KAZN: variants seen among roughly 807,000 people sequenced by gnomAD.
KAZN encodes the protein kazrin, periplakin interacting protein, also known as kazrin.
A neutral mutation model predicts 87.4 loss-of-function variants in KAZN; 40 were observed. The ratio of observed to expected loss-of-function variants is 0.46; its 90% CI spans 0.36 to 0.60. KAZN has a LOEUF of 0.60. Ranked by LOEUF, KAZN falls within the 20% of genes least tolerant of loss-of-function variation. The pLI is 0.00. For missense variants in KAZN, 898 were observed against 1,073.9 expected (o/e 0.84, Z 2.29); for synonymous variants, 466 against 458.3 (o/e 1.02, Z -0.22).
intron 8 of KAZN, 149 bp downstream of exon 8, chr1:15,065,902 C>T (rs766645238): frequency 2.2e-5 from 33 of 1,475,480 alleles, no homozygotes; most frequent in Non-Finnish European, 2.5e-5. Flanking sequence ...TGCGTGTGCA[C>T]GTGTGCGCTG....
intron 2 of KAZN, among the ~76,000 whole-genome samples, chr1:14,229,926 G>A (rs1196748790): frequency 6.6e-6 from 1 of 152,230 alleles, no homozygotes; most frequent in Admixed American, 6.5e-5. Flanking sequence ...ACCCTCTGCA[G>A]CGAATATGTT....
intron 2 of KAZN, among the ~76,000 whole-genome samples, chr1:14,301,726 G>T (rs1451306372): frequency 6.6e-6 from 1 of 152,132 alleles, no homozygotes; most frequent in Non-Finnish European, 1.5e-5. Flanking sequence ...AAGACATTTG[G>T]CAGGCATTCA....
chr1:14,505,795 G>A (rs1670552915), intron 2 of KAZN, among the ~76,000 whole-genome samples: 2 of 152,106 alleles, frequency 1.3e-5, no homozygotes, highest in Admixed American at 6.5e-5. Context: ...GCAACAGGGT[G>A]AAACCCTGTC....
chr1:15,110,548 T>TG (rs1491437616), intron 13 of KAZN, among the ~76,000 whole-genome samples: 4 of 117,540 alleles, frequency 3.4e-5, no homozygotes, highest in African/African-American at 1.2e-4. Flanking sequence ...TGCATATGTG[T>TG]TTGTGTGTGT....
intron 5 of KAZN, among the ~76,000 whole-genome samples, chr1:15,058,648 C>T (rs1287610645): frequency 6.6e-6 from 1 of 152,198 alleles, no homozygotes; most frequent in Non-Finnish European, 1.5e-5. Flanking sequence ...TGGGATTCGA[C>T]AGGATAAGAC....
At chr1:14,742,501 G>A (rs6660333) in intron 1 of KAZN, among the ~76,000 whole-genome samples, 41,059 of 151,714 alleles carry the variant, frequency 0.27, 6,381 homozygotes, top group Middle Eastern at 0.4. Context: ...AGGAATGAGC[G>A]AATGAAAAAA....
chr1:14,938,626 TC>T (rs1360230751), intron 1 of KAZN, among the ~76,000 whole-genome samples: 1 of 151,484 alleles, frequency 6.6e-6, no homozygotes, highest in African/African-American at 2.4e-5. Flanking sequence ...AGTCCAATAC[TC>T]AATAGGACGT....
intron 1 of KAZN, among the ~76,000 whole-genome samples, chr1:13,928,448 A>C (rs527798647): frequency 6.6e-6 from 1 of 152,320 alleles, no homozygotes; most frequent in South Asian, 2.1e-4. Flanking sequence ...ACTGAAGCTT[A>C]GAAAGGGTAA....
intron 1 of KAZN, among the ~76,000 whole-genome samples, chr1:14,134,127 C>A (rs1429557873): frequency 1.3e-5 from 2 of 152,196 alleles, no homozygotes; most frequent in Non-Finnish European, 2.9e-5. Context: ...GAGACAGGGT[C>A]TGAGCCAATT....
chr1:14,480,431 T>C (rs1260689813), intron 2 of KAZN, among the ~76,000 whole-genome samples: 1 of 151,896 alleles, frequency 6.6e-6, no homozygotes, highest in Non-Finnish European at 1.5e-5. Context: ...CAGTTTGGTG[T>C]CATGATGACA....
At chr1:14,070,578 G>A (rs1643209668) in intron 1 of KAZN, among the ~76,000 whole-genome samples, 1 of 152,182 alleles carries the variant, frequency 6.6e-6, no homozygotes, top group African/African-American at 2.4e-5. Flanking sequence ...TTTCTACAGT[G>A]CTGTGGCCAC....
intron 1 of KAZN, among the ~76,000 whole-genome samples, chr1:14,955,026 G>A (rs973060571): frequency 6.6e-6 from 1 of 152,176 alleles, no homozygotes. Flanking sequence ...TGCCCATGAG[G>A]GGAGAAACAC....
intron 2 of KAZN, among the ~76,000 whole-genome samples, chr1:14,590,110 C>T (rs2148578709): frequency 6.6e-6 from 1 of 152,234 alleles, no homozygotes; most frequent in South Asian, 2.1e-4. Context: ...CCCTACCCTC[C>T]AAGAAAGCAT....
At chr1:15,031,491 G>A (rs1048677916) in intron 2 of KAZN, among the ~76,000 whole-genome samples, 22 of 152,208 alleles carry the variant, frequency 1.4e-4, no homozygotes, top group Non-Finnish European at 2.9e-5. Flanking sequence ...AGGAGCCAGC[G>A]CTGTGGGGAA....
At chr1:14,405,655 G>A (rs754308263) in intron 2 of KAZN, among the ~76,000 whole-genome samples, 95 of 128,960 alleles carry the variant, frequency 7.4e-4, no homozygotes, top group Non-Finnish European at 1.3e-3. Context: ...TGTTTATACA[G>A]AGAGAGAGAT....
At chr1:14,205,042 A>G (rs944319908) in intron 2 of KAZN, among the ~76,000 whole-genome samples, 2 of 152,234 alleles carry the variant, frequency 1.3e-5, no homozygotes, top group African/African-American at 4.8e-5. Flanking sequence ...CTGGTCACTC[A>G]GGGAGCCAGG....
At chr1:14,449,886 T>C (rs1483173565) in intron 2 of KAZN, among the ~76,000 whole-genome samples, 1 of 152,134 alleles carries the variant, frequency 6.6e-6, no homozygotes, top group Non-Finnish European at 1.5e-5. Context: ...ATGAGCCCCT[T>C]CTGACTCTAA....
At chr1:15,036,492 T>C (rs1047333867) in intron 3 of KAZN, among the ~76,000 whole-genome samples, 4 of 151,412 alleles carry the variant, frequency 2.6e-5, no homozygotes, top group African/African-American at 9.7e-5. Flanking sequence ...AGGCAAACGG[T>C]TTGGCAGGAA....
rs568677205 is a variant in KAZN at position 14,919,383 on chromosome 1, G to T, written c.227-41301G>T. On this transcript the variant is annotated intron_variant, in intron 1 of 14. Coordinates refer to ENST00000376030, the MANE Select transcript of KAZN (RefSeq NM_201628.3). ...GGAGAGACAGGGTTTCACCATGTTGGCCAGGCTGGTCTCGAACGCCTGACC... is the reference window on the plus strand; with the variant it reads ...GGAGAGACAGGGTTTCACCATGTTGTCCAGGCTGGTCTCGAACGCCTGACC... 9.2e-5 allele frequency among the ~76,000 whole-genome samples: 14 copies of T among 152,326 alleles called. No homozygotes were observed. In the East Asian group the frequency reaches 2.7e-3, roughly 29 times the overall value.
Sources: gnomAD v4.1 joint callset for allele counts (sites outside exome capture counted in the v4.1 genomes callset) on GRCh38, gnomAD v4.1.1 for gene constraint, MANE v1.5 for transcripts, NCBI Gene and HGNC (gene_info 2026-07-23, HGNC 2026-07-21) for gene names.